CHN1: variants seen among roughly 807,000 people sequenced by gnomAD.
CHN1 encodes the protein N-chimaerin.
In CHN1, 37 loss-of-function variants were observed where a neutral mutation model predicts 59.5. The ratio of observed to expected loss-of-function variants is 0.62; its 90% CI spans 0.48 to 0.82. CHN1 has a LOEUF of 0.82. Ranked by LOEUF, CHN1 falls within the 40% of genes least tolerant of loss-of-function variation. The probability of loss-of-function intolerance (pLI) is 0.00; values close to 1 mark genes in which losing one functional copy is unlikely to be tolerated. For missense variants in CHN1, 469 were observed against 571.0 expected (o/e 0.82, Z 1.82); for synonymous variants, 206 against 200.4 (o/e 1.03, Z -0.24).
chr2:174,903,392 G>C (rs748892655), intron 5 of CHN1, among the ~76,000 whole-genome samples: 3 of 152,174 alleles, frequency 2.0e-5, no homozygotes, highest in Non-Finnish European at 4.4e-5. Flanking sequence ...GTTACAGTTA[G>C]CCACTCCTTA....
At chr2:174,917,589 CATAT>C (rs1369999322) in intron 4 of CHN1, among the ~76,000 whole-genome samples, 1 of 152,036 alleles carries the variant, frequency 6.6e-6, no homozygotes, top group East Asian at 1.9e-4. Flanking sequence ...TGAGATGTTT[CATAT>C]GATATGGTGT....
chr2:174,916,746 G>A (rs1688859559), intron 4 of CHN1, among the ~76,000 whole-genome samples: 1 of 152,174 alleles, frequency 6.6e-6, no homozygotes, highest in Non-Finnish European at 1.5e-5. Context: ...CCCAGTCTTT[G>A]AGAACTAGGT....
intron 2 of CHN1, among the ~76,000 whole-genome samples, chr2:174,945,718 T>C (rs1478861894): frequency 6.6e-6 from 1 of 152,104 alleles, no homozygotes; most frequent in East Asian, 1.9e-4. Flanking sequence ...TTTAATACTC[T>C]AAATACTTAA....
intron 5 of CHN1, among the ~76,000 whole-genome samples, chr2:174,883,253 T>C (rs1277144850): frequency 6.6e-6 from 1 of 152,162 alleles, no homozygotes; most frequent in Non-Finnish European, 1.5e-5. Context: ...TTCACCACCA[T>C]GGCAGAAGAC....
chr2:174,888,237 C>G (rs1687947102), intron 5 of CHN1, among the ~76,000 whole-genome samples: 1 of 152,108 alleles, frequency 6.6e-6, no homozygotes, highest in Non-Finnish European at 1.5e-5. Context: ...TATTGGAACC[C>G]TTGGCAAAAT....
At chr2:174,865,516 C>T (rs1002047944) in intron 6 of CHN1, among the ~76,000 whole-genome samples, 2 of 152,114 alleles carry the variant, frequency 1.3e-5, no homozygotes, top group African/African-American at 4.8e-5. Flanking sequence ...TAATACCTAT[C>T]CCTAAAAGAC....
At chr2:175,003,374 T>C (rs1275824272) in intron 1 of CHN1, among the ~76,000 whole-genome samples, 2 of 152,248 alleles carry the variant, frequency 1.3e-5, no homozygotes, top group Non-Finnish European at 2.9e-5. Flanking sequence ...TGCTTTTCCC[T>C]TCCTCATCTT....
chr2:174,815,365 G>A (rs950683385), intron 8 of CHN1, among the ~76,000 whole-genome samples: 11 of 152,020 alleles, frequency 7.2e-5, no homozygotes, highest in African/African-American at 2.4e-4. Flanking sequence ...ATGACACAGC[G>A]AGACCCTGTC....
At chr2:174,846,185 A>T in intron 7 of CHN1, 1 of 1,259,128 alleles carries the variant, frequency 7.9e-7, no homozygotes, top group Non-Finnish European at 1.0e-6. Flanking sequence ...TCAAGGCCTT[A>T]TATCATGCTA....
intron 1 of CHN1, among the ~76,000 whole-genome samples, chr2:174,958,974 C>T (rs1690309567): frequency 2.6e-5 from 4 of 152,074 alleles, no homozygotes; most frequent in Admixed American, 2.0e-4. Flanking sequence ...CTACAGATCA[C>T]AATCATGGCC....
chr2:174,838,426 G>A (rs761631364), intron 7 of CHN1, among the ~76,000 whole-genome samples: 2 of 152,028 alleles, frequency 1.3e-5, no homozygotes, highest in Admixed American at 1.3e-4. Flanking sequence ...TGTCCTATAG[G>A]GAATGTTGAC....
intron 6 of CHN1, among the ~76,000 whole-genome samples, chr2:174,874,872 C>T (rs370163508): frequency 1.2e-4 from 15 of 122,660 alleles, no homozygotes; most frequent in Non-Finnish European, 1.3e-4. Context: ...TTTATTTATT[C>T]TTTTTTTTTT....
At chr2:174,962,356 G>T (rs1265730277) in intron 1 of CHN1, among the ~76,000 whole-genome samples, 4 of 152,176 alleles carry the variant, frequency 2.6e-5, no homozygotes, top group African/African-American at 9.6e-5. Context: ...GAAGAGAAAA[G>T]AGAGAAAATT....
intron 2 of CHN1, among the ~76,000 whole-genome samples, chr2:174,949,885 C>A (rs899343254): frequency 2.0e-5 from 3 of 152,070 alleles, no homozygotes; most frequent in African/African-American, 7.2e-5. Flanking sequence ...CACATTTCTA[C>A]TGTTAAAATG....
intron 1 of CHN1, among the ~76,000 whole-genome samples, chr2:174,958,225 C>T (rs1011798068): frequency 1.3e-5 from 2 of 152,096 alleles, no homozygotes; most frequent in Non-Finnish European, 2.9e-5. Context: ...GGAGAGAGGA[C>T]AATGGAAACT....
chr2:174,824,347 G>T, intron 8 of CHN1, 87 bp downstream of exon 8: 2 of 969,238 alleles, frequency 2.1e-6, no homozygotes, highest in Non-Finnish European at 3.0e-6. Flanking sequence ...CCAGCCTACT[G>T]GATATGCATA....
At chr2:174,805,524 C>T (rs1030802047) in intron 11 of CHN1, among the ~76,000 whole-genome samples, 2 of 152,146 alleles carry the variant, frequency 1.3e-5, no homozygotes, top group African/African-American at 4.8e-5. Context: ...GTAATTACAA[C>T]CTTCCAGCAT....
At position 174,827,159 on chromosome 2, in the gene CHN1, T is replaced by G. The variant is rs114724656; in HGVS notation, c.628-2641A>C. Among the ~76,000 whole-genome samples the G allele has an allele frequency of 6.4e-3, 973 of 152,282 alleles. 8 individuals carry two copies. The highest frequency in any genetic ancestry group is 0.038 in the South Asian group (182 of 4,820). ...TTGTTCTGTAACCTCTATGACTCTA[T>G]GACACTTTATTATATTTGTAAAAGG... On this transcript the variant is annotated intron_variant, in intron 7 of 12. Coordinates refer to ENST00000409900, the MANE Select transcript of CHN1 (RefSeq NM_001822.7).
chr2:174,815,551 T>C (rs1352194043), intron 8 of CHN1, among the ~76,000 whole-genome samples: 1 of 152,074 alleles, frequency 6.6e-6, no homozygotes, highest in Non-Finnish European at 1.5e-5. Flanking sequence ...AAATTTCCAT[T>C]TGGTTCTTCC....
Sources: gnomAD v4.1 joint callset for allele counts (sites outside exome capture counted in the v4.1 genomes callset) on GRCh38, gnomAD v4.1.1 for gene constraint, MANE v1.5 for transcripts, NCBI Gene and HGNC (gene_info 2026-07-23, HGNC 2026-07-21) for gene names.